The following HIP1 variants were observed in gnomAD, a reference collection of about 807,000 sequenced individuals.
HIP1 encodes the protein huntingtin interacting protein 1.
Under a neutral mutation model 147.6 loss-of-function variants are expected in HIP1, and 65 were observed. That is an observed-to-expected ratio of 0.44 (90% CI 0.36 to 0.54). The LOEUF (loss-of-function observed/expected upper bound fraction) is 0.54. Among genes scored for constraint, HIP1 ranks in the 20% least tolerant of loss-of-function variants. The pLI is 0.00. For missense variants in HIP1, 1,061 were observed against 1,299.6 expected (o/e 0.82, Z 2.82); for synonymous variants, 479 against 504.0 (o/e 0.95, Z 0.67).
chr7:75,539,085 C>T (rs1794199125), intron 30 of HIP1, among the ~76,000 whole-genome samples: 1 of 152,154 alleles, frequency 6.6e-6, no homozygotes. Context: ...GAGTTATGAT[C>T]AATGTTTAGG....
chr7:75,554,254 T>C (rs1554492742), intron 20 of HIP1, 34 bp from the exon 21 acceptor site: 3 of 1,556,400 alleles, frequency 1.9e-6, no homozygotes. Flanking sequence ...TTCTCAGGTC[T>C]GGTTGATGGT....
Position 75,736,991 on chromosome 7 carries a change from T to A in HIP1, c.120+1810A>T, listed in dbSNP as rs868986697. ...AGGCTGGAGTGCAGTGGCACGATCA[T>A]AGCCCACTGCAGCCTCAGCCTCCTG... On this transcript the variant is annotated intron_variant, in intron 1 of 30. Coordinates refer to ENST00000336926, the MANE Select transcript of HIP1 (RefSeq NM_005338.7). Among the ~76,000 whole-genome samples the A allele has an allele frequency of 3.3e-5, 5 of 151,562 alleles. No individual in the cohort carries two copies. The South Asian group carries it at 1.0e-3, about 32-fold the overall frequency.
intron 5 of HIP1, among the ~76,000 whole-genome samples, chr7:75,583,756 T>TTTTGTGTG: frequency 8.7e-6 from 1 of 115,518 alleles, no homozygotes. Flanking sequence ...GCGGGCTAAT[T>TTTTGTGTG]TGTGTGTGTG....
In HIP1 at chr7:75,586,803, A is replaced by T. The variant is rs1554499712; in HGVS notation, c.415T>A (p.Cys139Ser). Reference protein sequence around the residue: ...GHLSEGYGQLCSIYLKLLRTK... With the variant: ...GHLSEGYGQLSSIYLKLLRTK... ...CTTAGCAGTTTCAGGTAGATGCTGC[A>T]CAGCTGGCCATACCCCTCGCTCAGG... Residue 139 changes from cysteine (C) to serine (S), a missense_variant, in exon 5 of 31, where the codon TGC (cysteine) becomes AGC (serine). Physicochemically the swap from Cys to Ser is moderately radical, Grantham distance 112. Coordinates refer to ENST00000336926, the MANE Select transcript of HIP1 (RefSeq NM_005338.7). 1.2e-6 allele frequency: 2 copies of T among 1,613,632 alleles called. No individual in the cohort carries two copies. Among genetic ancestry groups the T allele is most frequent in the Admixed American group, 1.7e-5 (1 of 59,982 alleles).
intron 1 of HIP1, among the ~76,000 whole-genome samples, chr7:75,670,801 T>TTTTTTTTTTTTTTTA (rs56213047): frequency 6.8e-6 from 1 of 147,752 alleles, no homozygotes. Context: ...TTTTTTTTTT[T>TTTTTTTTTTTTTTTA]GGTAGAGATA....
intron 7 of HIP1, among the ~76,000 whole-genome samples, chr7:75,577,345 A>AAAAAAAAAAAAAG (rs1340780908): frequency 6.7e-6 from 1 of 148,726 alleles, no homozygotes; most frequent in African/African-American, 2.5e-5. Flanking sequence ...AAAAAAAAAA[A>AAAAAAAAAAAAAG]CGAGAGAGAG....
intron 13 of HIP1, 61 bp from the exon 14 acceptor site, chr7:75,559,976 C>T (rs1041626460): frequency 2.6e-5 from 38 of 1,453,814 alleles, no homozygotes; most frequent in African/African-American, 8.5e-5. Flanking sequence ...GGGCATGGGC[C>T]GGAGAAGCGG....
intron 7 of HIP1, 77 bp from the exon 8 acceptor site, chr7:75,573,978 G>A: frequency 7.4e-7 from 1 of 1,342,686 alleles, no homozygotes; most frequent in Non-Finnish European, 1.0e-6. Flanking sequence ...GCAGAGGCAG[G>A]GGTCCAACAT....
At chr7:75,595,211 T>TCTTC (rs1554501628) in intron 2 of HIP1, among the ~76,000 whole-genome samples, 2 of 76,640 alleles carry the variant, frequency 2.6e-5, no homozygotes, top group Non-Finnish European at 4.8e-5. Context: ...TTTCTTTCTT[T>TCTTC]CTTTCTTTCT....
rs73370126 is a variant in HIP1 at position 75,610,503 on chromosome 7, C to A, written c.121-11256G>T. The stretch of plus-strand genomic sequence containing the variant: ...GAGATAACAGTTGTGAGCCACCGCA[C>A]CTGGCCTTTTTTTTCTCTTTTTTTG... On this transcript the variant is annotated intron_variant, in intron 1 of 30. Transcript: ENST00000336926. Among the ~76,000 whole-genome samples the A allele has an allele frequency of 5.4e-3, 828 of 152,138 alleles. 5 individuals are homozygous for A. The highest frequency in any genetic ancestry group is 0.019 in the African/African-American group (793 of 41,528).
At chr7:75,587,508 T>C (rs1431197138) in intron 4 of HIP1, among the ~76,000 whole-genome samples, 3 of 152,268 alleles carry the variant, frequency 2.0e-5, no homozygotes, top group Admixed American at 6.5e-5. Flanking sequence ...TATTGTAATT[T>C]ATTGAACTGA....
At chr7:75,624,806 G>A (rs1236003770) in intron 1 of HIP1, among the ~76,000 whole-genome samples, 1 of 151,974 alleles carries the variant, frequency 6.6e-6, no homozygotes, top group East Asian at 1.9e-4. Flanking sequence ...TAACTACCCT[G>A]CCAAAACCAT....
chr7:75,597,314 C>T (rs1301171077), intron 2 of HIP1, among the ~76,000 whole-genome samples: 1 of 152,144 alleles, frequency 6.6e-6, no homozygotes, highest in African/African-American at 2.4e-5. Flanking sequence ...CCTGGAGGGT[C>T]GCCTCTAGGG....
At chr7:75,595,264 C>T (rs1554501712) in intron 2 of HIP1, among the ~76,000 whole-genome samples, 2 of 103,020 alleles carry the variant, frequency 1.9e-5, no homozygotes, top group East Asian at 2.3e-4. Flanking sequence ...TCCTTCCTTC[C>T]TTCCTTCCTT....
intron 1 of HIP1, among the ~76,000 whole-genome samples, chr7:75,658,093 C>T (rs1799197905): frequency 6.6e-6 from 1 of 152,064 alleles, no homozygotes; most frequent in African/African-American, 2.4e-5. Context: ...GCTTACCAAT[C>T]TCTTCCTCAT....
chr7:75,733,202 G>A (rs1584988546), intron 1 of HIP1, among the ~76,000 whole-genome samples: 1 of 152,162 alleles, frequency 6.6e-6, no homozygotes, highest in East Asian at 1.9e-4. Flanking sequence ...GGAACCTGGA[G>A]TCCTGGTTTT....
intron 1 of HIP1, among the ~76,000 whole-genome samples, chr7:75,627,897 T>A (rs587628374): frequency 3.9e-5 from 6 of 152,164 alleles, no homozygotes; most frequent in Non-Finnish European, 7.4e-5. Context: ...CTCAGACAAC[T>A]CTCAGCAATG....
chr7:75,679,625 C>T (rs1439064210), intron 1 of HIP1, among the ~76,000 whole-genome samples: 1 of 152,138 alleles, frequency 6.6e-6, no homozygotes, highest in African/African-American at 2.4e-5. Flanking sequence ...ACTCCCTTCC[C>T]TTGACCTCCA....
chr7:75,723,989 C>T (rs1801579092), intron 1 of HIP1, among the ~76,000 whole-genome samples: 1 of 151,938 alleles, frequency 6.6e-6, no homozygotes, highest in Admixed American at 6.6e-5. Flanking sequence ...CAGAGTCTCG[C>T]TCTGTCACCC....
Sources: allele counts gnomAD v4.1 joint callset (sites outside exome capture counted in the v4.1 genomes callset), GRCh38; gene constraint gnomAD v4.1.1; transcripts MANE v1.5; gene names NCBI Gene and HGNC (gene_info 2026-07-23, HGNC 2026-07-21).